The following ACTN4 variants were observed in gnomAD, a reference collection of about 807,000 sequenced individuals.
The protein encoded by ACTN4 is alpha-actinin-4.
In ACTN4, 18 loss-of-function variants were observed where a neutral mutation model predicts 114.2. The observed-to-expected ratio is 0.16, with a 90% CI of 0.11 to 0.23. ACTN4 has a LOEUF of 0.23. Ranked by LOEUF, ACTN4 falls within the 10% of genes least tolerant of loss-of-function variation. The pLI is 1.00. For synonymous variants in ACTN4, 515 were observed against 506.3 expected, an observed-to-expected ratio of 1.02 and a Z score of -0.23; for missense variants, 722 against 1,262.9, an observed-to-expected ratio of 0.57 and a Z score of 6.49.
In ACTN4 at chr19:38,728,091, C is replaced by T. The variant is rs982610560; in HGVS notation, c.2418+65C>T. 6 of 1,537,954 alleles carry T rather than the reference C, an allele frequency of 3.9e-6. No individual in the cohort carries two copies. The Admixed American group carries it at 7.7e-5, about 20-fold the overall frequency. On this transcript the variant is annotated intron_variant, in intron 19 of 20. Coordinates refer to ENST00000252699, the MANE Select transcript of ACTN4 (RefSeq NM_004924.6). ...GCTCTCTCTCTCTCTCTCCTTCTCT[C>T]TTTCTCCCCTCGCCATCCCACCCCT...
chr19:38,692,619 T>C (rs1028624401), intron 1 of ACTN4, among the ~76,000 whole-genome samples: 5 of 152,194 alleles, frequency 3.3e-5, no homozygotes, highest in African/African-American at 1.2e-4. Flanking sequence ...ATGAAGCCCA[T>C]GGGCTGGGGA....
chr19:38,653,202 C>G (rs1215441359), intron 1 of ACTN4, among the ~76,000 whole-genome samples: 1 of 152,014 alleles, frequency 6.6e-6, no homozygotes, highest in Non-Finnish European at 1.5e-5. Context: ...CAGACTTTGG[C>G]CAGACAGCGC....
At chr19:38,684,934 A>T (rs990414088) in intron 1 of ACTN4, among the ~76,000 whole-genome samples, 3 of 151,674 alleles carry the variant, frequency 2.0e-5, no homozygotes, top group African/African-American at 7.3e-5. Flanking sequence ...AACCCACCCA[A>T]ATGGCTTTTT....
chr19:38,688,863 A>T (rs1374777081), intron 1 of ACTN4, among the ~76,000 whole-genome samples: 1 of 152,200 alleles, frequency 6.6e-6, no homozygotes, highest in Non-Finnish European at 1.5e-5. Context: ...TCAAAGTGTA[A>T]TGTGGTGCAG....
intron 1 of ACTN4, among the ~76,000 whole-genome samples, chr19:38,673,647 TTATATATTTATATATATTA>T: frequency 2.2e-5 from 1 of 45,648 alleles, no homozygotes; most frequent in African/African-American, 7.5e-5. Context: ...TTATATATAT[TTATATATTTATATATATTA>T]TATATATTTA....
chr19:38,649,995 G>T (rs1976512629), intron 1 of ACTN4, among the ~76,000 whole-genome samples: 1 of 152,118 alleles, frequency 6.6e-6, no homozygotes, highest in Admixed American at 6.6e-5. Flanking sequence ...ACTTTTTGAG[G>T]GGAAGGTGAG....
chr19:38,725,620 G>A, intron 16 of ACTN4, 104 bp from the exon 17 acceptor site: 1 of 1,390,024 alleles, frequency 7.2e-7, no homozygotes, highest in Non-Finnish European at 9.8e-7. Context: ...AGGCCAAAGG[G>A]GCCCCGGGGA....
At chr19:38,701,298 C>T (rs1441107567) in intron 3 of ACTN4, among the ~76,000 whole-genome samples, 177 bp downstream of exon 3, 1 of 152,166 alleles carries the variant, frequency 6.6e-6, no homozygotes, top group Non-Finnish European at 1.5e-5. Flanking sequence ...ATGCTGGGCC[C>T]ACAAGCTCCC....
At chr19:38,709,650 G>A (rs1282070896) in intron 7 of ACTN4, among the ~76,000 whole-genome samples, 174 bp downstream of exon 7, 3 of 152,172 alleles carry the variant, frequency 2.0e-5, no homozygotes, top group Non-Finnish European at 2.9e-5. Context: ...CAGCCATGTC[G>A]CCCTGGGAGA....
intron 11 of ACTN4, 58 bp downstream of exon 11, chr19:38,718,132 T>C: frequency 6.4e-7 from 1 of 1,562,036 alleles, no homozygotes; most frequent in Non-Finnish European, 8.7e-7. Flanking sequence ...CCCTCCTGTC[T>C]CTCAGGCATG....
rs771968234 is a variant in ACTN4, at chr19:38,730,949, C to G, written c.*1517C>G. 36 of 1,550,608 alleles carry G rather than the reference C, an allele frequency of 2.3e-5. No homozygotes were observed. The highest frequency in any genetic ancestry group is 1.7e-4 in the Middle Eastern group (1 of 5,992). ...GGACAGAGCCTGAGCCACCCTGTCC[C>G]TCCCACCTGGCTCACCTGTCTGTGG... On this transcript the variant is annotated 3_prime_UTR_variant, in exon 21 of 21. Transcript: ENST00000252699.
chr19:38,657,129 A>G (rs1010904144), intron 1 of ACTN4, among the ~76,000 whole-genome samples: 14 of 150,476 alleles, frequency 9.3e-5, no homozygotes, highest in Admixed American at 5.3e-4. Context: ...GTGCACCACC[A>G]TGGCCAGCTA....
intron 1 of ACTN4, among the ~76,000 whole-genome samples, chr19:38,679,568 CGTGTGTGT>C (rs10583743): frequency 6.2e-5 from 9 of 145,524 alleles, no homozygotes; most frequent in African/African-American, 1.5e-4. Flanking sequence ...TTTGGGTGTG[CGTGTGTGT>C]GTGTGTGTGT....
At chr19:38,651,920 C>G (rs1172599795) in intron 1 of ACTN4, among the ~76,000 whole-genome samples, 1 of 151,888 alleles carries the variant, frequency 6.6e-6, no homozygotes, top group Non-Finnish European at 1.5e-5. Flanking sequence ...TTAGTAGAGA[C>G]AGAGAGTTTC....
intron 3 of ACTN4, 74 bp from the exon 4 acceptor site, chr19:38,704,860 C>G: frequency 1.4e-6 from 2 of 1,416,884 alleles, no homozygotes; most frequent in Non-Finnish European, 2.0e-6. Flanking sequence ...TGGAAGGCCA[C>G]CTTCAGGTTG....
At chr19:38,689,477 G>C (rs1967853008) in intron 1 of ACTN4, among the ~76,000 whole-genome samples, 1 of 152,072 alleles carries the variant, frequency 6.6e-6, no homozygotes, top group Non-Finnish European at 1.5e-5. Flanking sequence ...TGGTAGACAT[G>C]TTCCTTGTAT....
Position 38,726,951 on chromosome 19 carries a change from C to G in ACTN4, c.2191-6C>G. The stretch of plus-strand genomic sequence containing the variant: ...GGCCCACGATCACGCCCCCGTCTTT[C>G]CGCAGCACATCCGCGTGGGCTGGGA... On this transcript the variant is annotated splice_region_variant and splice_polypyrimidine_tract_variant and intron_variant, in intron 17 of 20. Transcript: ENST00000252699. 1 of 1,613,868 alleles carries G rather than the reference C, an allele frequency of 6.2e-7. No individual in the cohort carries two copies. Among genetic ancestry groups the G allele is most frequent in the Non-Finnish European group, 8.5e-7 (1 of 1,180,012 alleles).
intron 9 of ACTN4, among the ~76,000 whole-genome samples, chr19:38,716,525 A>AGG (rs1968846596): frequency 6.6e-6 from 1 of 152,152 alleles, no homozygotes. Flanking sequence ...CTTAGACCTG[A>AGG]GGGAAAAGAC....
At chr19:38,662,732 T>A (rs1976926049) in intron 1 of ACTN4, among the ~76,000 whole-genome samples, 3 of 152,178 alleles carry the variant, frequency 2.0e-5, no homozygotes. Context: ...GGTGGGTGGC[T>A]TATTATGCAT....
Sources: gnomAD v4.1 joint callset for allele counts (sites outside exome capture counted in the v4.1 genomes callset) on GRCh38, gnomAD v4.1.1 for gene constraint, MANE v1.5 for transcripts, NCBI Gene and HGNC (gene_info 2026-07-23, HGNC 2026-07-21) for gene names.